LCLAT1: variants seen among roughly 807,000 people sequenced by gnomAD.
LCLAT1 encodes the protein 1-AGP acyltransferase 8.
In LCLAT1, 11 loss-of-function variants were observed where a neutral mutation model predicts 30.7. That is an observed-to-expected ratio of 0.36 (90% CI 0.23 to 0.59). The LOEUF is 0.59. Among genes scored for constraint, LCLAT1 ranks in the 20% least tolerant of loss-of-function variants. The pLI, the probability that LCLAT1 is intolerant of heterozygous loss-of-function variation, is 0.77. For missense variants in LCLAT1, 402 were observed against 458.6 expected (o/e 0.88, Z 1.13); for synonymous variants, 155 against 151.3 (o/e 1.02, Z -0.18).
rs752136584 is a variant in LCLAT1, at chr2:30,640,340, G to A, written c.852G>A (p.Glu284=). 1 of 1,614,210 alleles carries A rather than the reference G, an allele frequency of 6.2e-7. No individual in the cohort carries two copies. Among genetic ancestry groups the A allele is most frequent in the East Asian group, 2.2e-5 (1 of 44,892 alleles). ...GGCTGCGTTCCTTCTATCAAGGGGA[G>A]AAGAATTTTTATTTTACCGGACAGA... ...EERLRSFYQG[E]KNFYFTGQSV... Residue 284 remains glutamate, a synonymous_variant, in exon 6 of 6, where the codon GAG becomes GAA. Coordinates refer to ENST00000379509, the MANE Select transcript of LCLAT1 (RefSeq NM_001002257.3).
At chr2:30,462,828 G>T (rs1417798484) in intron 1 of LCLAT1, among the ~76,000 whole-genome samples, 4 of 152,272 alleles carry the variant, frequency 2.6e-5, no homozygotes. Context: ...TTTGGTAGTA[G>T]AACATGAGAA....
intron 5 of LCLAT1, among the ~76,000 whole-genome samples, chr2:30,594,567 A>T (rs1666846255): frequency 6.6e-6 from 1 of 152,158 alleles, no homozygotes; most frequent in Non-Finnish European, 1.5e-5. Context: ...AATTGTGTGT[A>T]TGTGCATGTG....
At chr2:30,486,049 G>C (rs1040036280) in intron 1 of LCLAT1, among the ~76,000 whole-genome samples, 2 of 152,064 alleles carry the variant, frequency 1.3e-5, no homozygotes, top group African/African-American at 4.8e-5. Context: ...AAACCCTTAT[G>C]GCTTTTAGGA....
chr2:30,624,963 C>T (rs577157277), intron 5 of LCLAT1, among the ~76,000 whole-genome samples: 5 of 152,094 alleles, frequency 3.3e-5, no homozygotes, highest in Non-Finnish European at 7.4e-5. Context: ...AAAAGGAACC[C>T]TTAAAACCAT....
intron 5 of LCLAT1, among the ~76,000 whole-genome samples, chr2:30,577,843 C>G (rs1666061381): frequency 6.6e-6 from 1 of 152,102 alleles, no homozygotes; most frequent in East Asian, 1.9e-4. Flanking sequence ...CTCTGTTGTT[C>G]ATGCTACCTG....
chr2:30,519,244 C>T (rs1182032048), intron 1 of LCLAT1, among the ~76,000 whole-genome samples: 1 of 152,212 alleles, frequency 6.6e-6, no homozygotes, highest in Non-Finnish European at 1.5e-5. Flanking sequence ...AAGTTTGTCT[C>T]TTCCAGAATT....
intron 5 of LCLAT1, among the ~76,000 whole-genome samples, chr2:30,604,963 A>T (rs1667366110): frequency 2.0e-5 from 3 of 152,198 alleles, no homozygotes; most frequent in Admixed American, 2.0e-4. Flanking sequence ...CCGCCCCCAC[A>T]CACAGGTGGG....
chr2:30,590,680 CAGTA>C (rs1257176343), intron 5 of LCLAT1, among the ~76,000 whole-genome samples: 1 of 151,618 alleles, frequency 6.6e-6, no homozygotes, highest in Non-Finnish European at 1.5e-5. Context: ...GTTTGAAACT[CAGTA>C]AGAGTTTCAG....
intron 1 of LCLAT1, among the ~76,000 whole-genome samples, chr2:30,506,583 A>T (rs1167550662): frequency 6.6e-6 from 1 of 152,168 alleles, no homozygotes; most frequent in Non-Finnish European, 1.5e-5. Context: ...AATAGCTATA[A>T]TCTTTCTTCC....
intron 1 of LCLAT1, among the ~76,000 whole-genome samples, chr2:30,475,272 T>G (rs1311500615): frequency 6.6e-6 from 1 of 152,206 alleles, no homozygotes; most frequent in Non-Finnish European, 1.5e-5. Flanking sequence ...GTTCTGGGAT[T>G]ACAAAATTGA....
In LCLAT1 at chr2:30,511,667, C is replaced by T. The variant is rs1684946440; in HGVS notation, c.-4-13920C>T. On this transcript the variant is annotated intron_variant, in intron 1 of 5. Transcript: ENST00000379509. ...GTCTGAGGTTTTAGCATTCAGGATTCAGCATGTATATGGTCACTTAATCCC... is the reference window on the plus strand; with the variant it reads ...GTCTGAGGTTTTAGCATTCAGGATTTAGCATGTATATGGTCACTTAATCCC... 2.0e-5 allele frequency among the ~76,000 whole-genome samples: 3 copies of T among 152,220 alleles called. No individual in the cohort carries two copies. In the South Asian group the frequency reaches 6.2e-4, roughly 32 times the overall value.
At chr2:30,634,704 T>C (rs1668940393) in intron 5 of LCLAT1, among the ~76,000 whole-genome samples, 1 of 152,266 alleles carries the variant, frequency 6.6e-6, no homozygotes, top group Non-Finnish European at 1.5e-5. Flanking sequence ...TAAAAGTCTG[T>C]TGTTTTCATG....
chr2:30,452,960 A>G (rs1723156), intron 1 of LCLAT1, among the ~76,000 whole-genome samples: 33,631 of 151,970 alleles, frequency 0.22, 3,796 homozygotes, highest in East Asian at 0.34. Flanking sequence ...CATCAGTGAA[A>G]GCTGACAACA....
chr2:30,574,833 G>C (rs1022869975), intron 5 of LCLAT1, among the ~76,000 whole-genome samples: 1 of 152,186 alleles, frequency 6.6e-6, no homozygotes, highest in Non-Finnish European at 1.5e-5. Flanking sequence ...GTCAGACTAA[G>C]GGAAATTGAA....
intron 1 of LCLAT1, among the ~76,000 whole-genome samples, chr2:30,517,355 G>A (rs1229652417): frequency 2.0e-5 from 3 of 152,136 alleles, no homozygotes; most frequent in Non-Finnish European, 4.4e-5. Context: ...CCCTCGACGT[G>A]GGTAGTTAGG....
At chr2:30,456,792 C>G (rs1352905115) in intron 1 of LCLAT1, among the ~76,000 whole-genome samples, 2 of 152,138 alleles carry the variant, frequency 1.3e-5, no homozygotes, top group East Asian at 3.8e-4. Context: ...TCTTCAGAGT[C>G]CAGAGTCTTC....
chr2:30,630,304 G>A (rs1469849611), intron 5 of LCLAT1, among the ~76,000 whole-genome samples: 1 of 152,138 alleles, frequency 6.6e-6, no homozygotes, highest in African/African-American at 2.4e-5. Flanking sequence ...CACATTGGGG[G>A]TTAGGGCATC....
chr2:30,567,168 T>C (rs1249266329), intron 4 of LCLAT1, among the ~76,000 whole-genome samples: 1 of 152,204 alleles, frequency 6.6e-6, no homozygotes, highest in African/African-American at 2.4e-5. Context: ...AATTTTGTTA[T>C]ATAGGGATTG....
At chr2:30,611,627 A>G (rs1667743669) in intron 5 of LCLAT1, among the ~76,000 whole-genome samples, 1 of 152,132 alleles carries the variant, frequency 6.6e-6, no homozygotes, top group African/African-American at 2.4e-5. Context: ...ACTTACAGAA[A>G]GAAGGTACCT....
Sources: allele counts gnomAD v4.1 joint callset (sites outside exome capture counted in the v4.1 genomes callset), GRCh38; gene constraint gnomAD v4.1.1; transcripts MANE v1.5; gene names NCBI Gene and HGNC (gene_info 2026-07-23, HGNC 2026-07-21).